Variants in CAB39L observed in about 807,000 individuals in gnomAD.
The protein encoded by CAB39L is calcium-binding protein 39-like.
A neutral mutation model predicts 39.1 loss-of-function variants in CAB39L; 23 were observed. The observed-to-expected ratio is 0.59, with a 90% CI of 0.42 to 0.83. The LOEUF (loss-of-function observed/expected upper bound fraction) is 0.83, where lower values mean the gene tolerates loss of function less well. Among genes scored for constraint, CAB39L ranks in the 40% least tolerant of loss-of-function variants. CAB39L has a pLI of 0.00. For synonymous variants in CAB39L, 126 were observed against 137.2 expected, an observed-to-expected ratio of 0.92 and a Z score of 0.57; for missense variants, 366 against 391.9, an observed-to-expected ratio of 0.93 and a Z score of 0.56.
intron 9 of CAB39L, among the ~76,000 whole-genome samples, chr13:49,332,654 G>A (rs934268752): frequency 2.6e-5 from 4 of 152,100 alleles, no homozygotes; most frequent in African/African-American, 4.8e-5. Context: ...ATTTTTTGGT[G>A]ACAAATTGAT....
intron 1 of CAB39L, among the ~76,000 whole-genome samples, chr13:49,442,800 A>AAAAAC (rs1957557115): frequency 6.7e-6 from 1 of 148,670 alleles, no homozygotes; most frequent in African/African-American, 2.5e-5. Context: ...AAAAAAAAAA[A>AAAAAC]AAAAAAAAAA....
At position 49,322,588 on chromosome 13, in the gene CAB39L, T is replaced by C. The variant is rs192023016; in HGVS notation, c.834+9359A>G. Among the ~76,000 whole-genome samples, 388 of 152,316 alleles carry C rather than the reference T, an allele frequency of 2.5e-3. 1 individual carries two copies. The highest frequency in any genetic ancestry group is 8.6e-3 in the African/African-American group (359 of 41,560). ...CTATTTTGGGTAAAATATTTTATCT[T>C]CCATCCAAAGAATGAGTATACTAGT... On this transcript the variant is annotated intron_variant, in intron 10 of 10. Transcript: ENST00000409308.
chr13:49,350,881 C>T lies in CAB39L; in HGVS notation c.427G>A (p.Gly143Arg). The part of the protein sequence containing the change: ...YEAPQIALRC[G>R]IMLRECIRHE... The stretch of plus-strand genomic sequence containing the variant: ...CGAATACATTCTCTCAGCATAATCC[C>T]ACAACGTAAGGCAATCTGTGGGGCT... Residue 143 changes from glycine to arginine, a missense_variant, in exon 7 of 11, where the codon GGG becomes AGG. Coordinates refer to ENST00000409308, the MANE Select transcript of CAB39L (RefSeq NM_001079670.3). 6.2e-7 allele frequency: 1 copy of T among 1,607,880 alleles called. No individual in the cohort carries two copies. The highest frequency in any genetic ancestry group is 8.5e-7 in the Non-Finnish European group (1 of 1,177,046).
chr13:49,406,333 A>ATTTTTTT (rs34078174), intron 3 of CAB39L, among the ~76,000 whole-genome samples: 5 of 90,624 alleles, frequency 5.5e-5, no homozygotes, highest in Non-Finnish European at 8.7e-5. Flanking sequence ...ATGCCCAGCT[A>ATTTTTTT]TTTTTTTTTT....
chr13:49,340,348 T>C (rs1954973727), intron 8 of CAB39L, among the ~76,000 whole-genome samples: 1 of 152,138 alleles, frequency 6.6e-6, no homozygotes, highest in Non-Finnish European at 1.5e-5. Flanking sequence ...CAGCATTCAC[T>C]TCCATCAGGT....
intron 10 of CAB39L, among the ~76,000 whole-genome samples, chr13:49,318,775 C>T (rs191347488): frequency 3.3e-5 from 5 of 151,304 alleles, no homozygotes; most frequent in Admixed American, 1.3e-4. Context: ...ACCATATTAC[C>T]GAGCAACTCC....
chr13:49,426,573 C>T (rs190429978), intron 3 of CAB39L, among the ~76,000 whole-genome samples: 2 of 152,114 alleles, frequency 1.3e-5, no homozygotes, highest in Non-Finnish European at 2.9e-5. Flanking sequence ...ACTACAGGCG[C>T]CTGCCACCAC....
At chr13:49,428,053 ACAAT>A (rs1957269520) in intron 3 of CAB39L, among the ~76,000 whole-genome samples, 1 of 152,256 alleles carries the variant, frequency 6.6e-6, no homozygotes, top group African/African-American at 2.4e-5. Flanking sequence ...TTGTGGGGAC[ACAAT>A]CAGTCTACTG....
intron 3 of CAB39L, among the ~76,000 whole-genome samples, chr13:49,427,906 C>T (rs12019523): frequency 0.16 from 23,813 of 151,978 alleles, 2,059 homozygotes; most frequent in Non-Finnish European, 0.19. Context: ...TAGTGGAAGG[C>T]GAAACAAGCT....
At chr13:49,394,006 T>G (rs1192907874) in intron 3 of CAB39L, among the ~76,000 whole-genome samples, 1 of 151,968 alleles carries the variant, frequency 6.6e-6, no homozygotes, top group Non-Finnish European at 1.5e-5. Flanking sequence ...TGAAATAGTT[T>G]CTGTAATTTT....
intron 9 of CAB39L, among the ~76,000 whole-genome samples, chr13:49,335,548 C>A (rs1165126838): frequency 6.6e-6 from 1 of 152,134 alleles, no homozygotes; most frequent in African/African-American, 2.4e-5. Flanking sequence ...AAATGGGAAA[C>A]ACACATATTT....
At chr13:49,335,070 T>G (rs1954813657) in intron 9 of CAB39L, among the ~76,000 whole-genome samples, 1 of 152,296 alleles carries the variant, frequency 6.6e-6, no homozygotes, top group East Asian at 1.9e-4. Flanking sequence ...ATTTCAAAGG[T>G]AGGGCTTCCA....
rs377535113 is a variant in CAB39L at position 49,438,094 on chromosome 13, C to T, written c.-245-3871G>A. ...TCAAGCAATCTTCCTGCCTCAGCCC[C>T]GCAAAGTGCTGGGATTACAGGCATT... On this transcript the variant is annotated intron_variant, in intron 1 of 10. Coordinates refer to ENST00000409308, the MANE Select transcript of CAB39L (RefSeq NM_001079670.3). Among the ~76,000 whole-genome samples, 29 of 152,238 alleles carry T rather than the reference C, an allele frequency of 1.9e-4. No individual in the cohort carries two copies. The East Asian group carries it at 4.6e-3, about 24-fold the overall frequency.
intron 9 of CAB39L, among the ~76,000 whole-genome samples, chr13:49,333,157 C>T (rs1467617493): frequency 1.3e-5 from 2 of 152,046 alleles, no homozygotes; most frequent in Admixed American, 1.3e-4. Context: ...ATGAAAATAA[C>T]GTTTGTCAAA....
intron 3 of CAB39L, among the ~76,000 whole-genome samples, chr13:49,411,618 T>C: frequency 6.6e-6 from 1 of 152,176 alleles, no homozygotes; most frequent in African/African-American, 2.4e-5. Flanking sequence ...TTCTTTATAG[T>C]AGATCTTGGA....
At chr13:49,317,532 A>AAAAC (rs569369497) in intron 10 of CAB39L, among the ~76,000 whole-genome samples, 308 of 152,316 alleles carry the variant, frequency 2.0e-3, no homozygotes, top group African/African-American at 7.0e-3. Context: ...GCTGTCTCAA[A>AAAAC]AAACAAACAA....
intron 3 of CAB39L, among the ~76,000 whole-genome samples, chr13:49,406,888 T>C (rs1956892453): frequency 6.6e-6 from 1 of 152,192 alleles, no homozygotes; most frequent in Non-Finnish European, 1.5e-5. Flanking sequence ...ATAAAATCAC[T>C]GAATGAAGTT....
At chr13:49,355,296 C>G (rs1246854508) in intron 6 of CAB39L, among the ~76,000 whole-genome samples, 1 of 151,896 alleles carries the variant, frequency 6.6e-6, no homozygotes, top group African/African-American at 2.4e-5. Flanking sequence ...TCAGGAGGAT[C>G]ACTTGAGCCT....
chr13:49,398,961 G>A lies in CAB39L; in HGVS notation c.-31-16020C>T, dbSNP rs576046350. On this transcript the variant is annotated intron_variant, in intron 3 of 10. Coordinates refer to ENST00000409308, the MANE Select transcript of CAB39L (RefSeq NM_001079670.3). ...AAGGCAGCAACCAAGTTATACCATG[G>A]TCTTTTCTTGTTCTCTTCAGAGTTA... is the stretch of plus-strand genomic sequence containing the variant. Among the ~76,000 whole-genome samples, 4 of 152,128 alleles carry A rather than the reference G, an allele frequency of 2.6e-5. No homozygotes were observed. In the South Asian group the frequency reaches 8.3e-4, roughly 32 times the overall value.
Sources: gnomAD v4.1 joint callset for allele counts (sites outside exome capture counted in the v4.1 genomes callset) on GRCh38, gnomAD v4.1.1 for gene constraint, MANE v1.5 for transcripts, NCBI Gene and HGNC (gene_info 2026-07-23, HGNC 2026-07-21) for gene names.